Variants in SIPA1L1 observed in about 807,000 individuals in gnomAD.
The protein encoded by SIPA1L1 is signal induced proliferation associated 1 like 1.
In SIPA1L1, 26 loss-of-function variants were observed where a neutral mutation model predicts 162.7. The ratio of observed to expected loss-of-function variants is 0.16; its 90% CI spans 0.12 to 0.22. The LOEUF is 0.22. Among genes scored for constraint, SIPA1L1 ranks in the 10% least tolerant of loss-of-function variants. SIPA1L1 has a pLI of 1.00. For synonymous variants in SIPA1L1, 829 were observed against 837.4 expected (o/e 0.99, Z 0.17); for missense variants, 1,874 against 2,241.0 (o/e 0.84, Z 3.31).
At chr14:71,559,065 CT>C (rs113879891) in intron 4 of SIPA1L1, among the ~76,000 whole-genome samples, 1,459 of 141,222 alleles carry the variant, frequency 0.01, 22 homozygotes, top group African/African-American at 0.031. Context: ...TTCAGCTTTA[CT>C]TTTTTTTTTT....
rs888062928 is a variant in SIPA1L1 at position 71,538,897 on chromosome 14, TTTTG to T, written c.-303+9539_-303+9542del. 7.9e-5 allele frequency among the ~76,000 whole-genome samples: 12 copies of T among 152,180 alleles called. No homozygotes were observed. The South Asian group carries it at 8.3e-4, about 10-fold the overall frequency. ...GTTACAGTCTGTTCTTCAGACTGTT[TTTTG>T]TTTGTTTGTTTTGATGGTGTTTATT... On this transcript the variant is annotated intron_variant, in intron 4 of 23. Coordinates refer to ENST00000381232, the MANE Select transcript of SIPA1L1 (RefSeq NM_001386936.1).
chr14:71,438,229 A>C (rs2044555708), intron 2 of SIPA1L1, among the ~76,000 whole-genome samples: 1 of 152,094 alleles, frequency 6.6e-6, no homozygotes. Flanking sequence ...TTTTTCTCTC[A>C]AACTTCTTTA....
At chr14:71,381,890 A>T in intron 2 of SIPA1L1, among the ~76,000 whole-genome samples, 1 of 152,204 alleles carries the variant, frequency 6.6e-6, no homozygotes, top group East Asian at 1.9e-4. Flanking sequence ...TTGTGATATT[A>T]TGAAAATAAC....
At chr14:71,627,395 C>T (rs945557976) in intron 7 of SIPA1L1, among the ~76,000 whole-genome samples, 2 of 151,954 alleles carry the variant, frequency 1.3e-5, no homozygotes, top group African/African-American at 2.4e-5. Flanking sequence ...GATCCACCCT[C>T]CTTGGCCTCC....
At chr14:71,697,584 C>A (rs538896954) in intron 13 of SIPA1L1, among the ~76,000 whole-genome samples, 29 of 152,134 alleles carry the variant, frequency 1.9e-4, no homozygotes, top group Non-Finnish European at 4.1e-4. Context: ...TTGAAAAGGT[C>A]TGATTTGGAT....
At chr14:71,488,673 CTCTT>C (rs1367741838) in intron 2 of SIPA1L1, among the ~76,000 whole-genome samples, 1 of 152,110 alleles carries the variant, frequency 6.6e-6, no homozygotes, top group Non-Finnish European at 1.5e-5. Context: ...CAAAAGAAAA[CTCTT>C]TCTTCCTTGT....
At chr14:71,591,908 G>A (rs1041959170) in intron 5 of SIPA1L1, among the ~76,000 whole-genome samples, 1 of 152,076 alleles carries the variant, frequency 6.6e-6, no homozygotes, top group Non-Finnish European at 1.5e-5. Flanking sequence ...TATTAAGTTT[G>A]TATAAAGCCT....
Position 71,588,361 on chromosome 14 carries a change from C to G in SIPA1L1, c.489C>G (p.Pro163=), listed in dbSNP as rs147514658. Residue 163 remains proline (P), a synonymous_variant, in exon 5 of 24, where the codon CCC becomes CCG. Coordinates refer to ENST00000381232, the MANE Select transcript of SIPA1L1 (RefSeq NM_001386936.1). This position sits in a 1 kb window ranked among gnomAD's most constrained non-coding sequence, Gnocchi z 4.3. The part of the protein sequence containing the change: ...FLMPEAYPSS[P]RKALRRIRQR... ...TGCCTGAAGCCTACCCCAGCTCCCC[C>G]AGAAAAGCTCTTCGCAGAATACGCC... is the stretch of plus-strand genomic sequence containing the variant. 1,349 of 1,613,856 alleles carry G rather than the reference C, an allele frequency of 8.4e-4. 10 individuals are homozygous for G. Among genetic ancestry groups the G allele is most frequent in the Non-Finnish European group, 3.6e-4 (421 of 1,179,974 alleles).
At chr14:71,450,056 TA>T (rs1314469149) in intron 2 of SIPA1L1, among the ~76,000 whole-genome samples, 16 of 152,142 alleles carry the variant, frequency 1.1e-4, no homozygotes, top group Non-Finnish European at 2.4e-4. Context: ...AAATAAAACT[TA>T]AAAAATAAAA....
chr14:71,658,225 A>ATCCTAAATCATTTTCTTTTCT, intron 8 of SIPA1L1, 108 bp from the exon 9 acceptor site: 1 of 652,038 alleles, frequency 1.5e-6, no homozygotes, highest in Non-Finnish European at 2.6e-6. Context: ...GAATCTTTTC[A>ATCCTAAATCATTTTCTTTTCT]TCCTAAATCA....
intron 6 of SIPA1L1, among the ~76,000 whole-genome samples, chr14:71,619,468 A>G (rs1224736388): frequency 6.6e-6 from 1 of 152,084 alleles, no homozygotes; most frequent in African/African-American, 2.4e-5. Flanking sequence ...AATATACACA[A>G]TGTATGAGTT....
chr14:71,731,584 G>A (rs2084788016), intron 20 of SIPA1L1, among the ~76,000 whole-genome samples: 1 of 152,090 alleles, frequency 6.6e-6, no homozygotes, highest in Admixed American at 6.5e-5. Context: ...TTATTTCTCT[G>A]TACTTTTAAT....
chr14:71,590,021 T>TAAAAA (rs200463823), intron 5 of SIPA1L1, among the ~76,000 whole-genome samples: 1 of 85,102 alleles, frequency 1.2e-5, no homozygotes, highest in Non-Finnish European at 2.3e-5. Context: ...AGTGGGAGAG[T>TAAAAA]AAAAAAAAAA....
chr14:71,331,693 G>C (rs1428606755), intron 2 of SIPA1L1, among the ~76,000 whole-genome samples: 2 of 152,150 alleles, frequency 1.3e-5, no homozygotes, highest in Admixed American at 6.5e-5. Flanking sequence ...ACTGTCACTT[G>C]TGGTAATTTT....
At chr14:71,695,517 T>C (rs2149725479) in intron 13 of SIPA1L1, among the ~76,000 whole-genome samples, 1 of 152,354 alleles carries the variant, frequency 6.6e-6, no homozygotes, top group South Asian at 2.1e-4. Flanking sequence ...AAAAGCAGCC[T>C]CTAAATACAA....
chr14:71,449,757 GTTA>G (rs1383016288), intron 2 of SIPA1L1, among the ~76,000 whole-genome samples: 1 of 152,192 alleles, frequency 6.6e-6, no homozygotes, highest in Non-Finnish European at 1.5e-5. Context: ...ATTTATTAAT[GTTA>G]TTATGAATTC....
rs749762616 is a variant in SIPA1L1 at position 71,738,196 on chromosome 14, C to T, written c.5124-45C>T. On this transcript the variant is annotated intron_variant, in intron 22 of 23. Coordinates refer to ENST00000381232, the MANE Select transcript of SIPA1L1 (RefSeq NM_001386936.1). Reference sequence around the variant, plus strand: ...AAAAAAAAAAAAAAAACAAACCCAGCCATGGAGGCCCCTGCCAACATGGTC... The same window carrying T: ...AAAAAAAAAAAAAAAACAAACCCAGTCATGGAGGCCCCTGCCAACATGGTC... 479 of 1,034,234 alleles carry T rather than the reference C, an allele frequency of 4.6e-4. 3 individuals carry two copies. Among genetic ancestry groups the T allele is most frequent in the Non-Finnish European group, 6.2e-5 (43 of 698,022 alleles). 64.1% of individuals were successfully genotyped at this position (1,034,234 alleles called of 1,614,324 possible).
chr14:71,657,026 A>G (rs564967661), intron 8 of SIPA1L1, among the ~76,000 whole-genome samples: 19 of 152,312 alleles, frequency 1.2e-4, no homozygotes, highest in African/African-American at 4.6e-4. Context: ...ATCGTTCTCT[A>G]AAATGCCATC....
At chr14:71,542,917 G>A (rs1312478402) in intron 4 of SIPA1L1, among the ~76,000 whole-genome samples, 1 of 151,684 alleles carries the variant, frequency 6.6e-6, no homozygotes, top group Non-Finnish European at 1.5e-5. Context: ...TCTTAACTTT[G>A]TATGTTTCTC....
Sources: allele counts gnomAD v4.1 joint callset (sites outside exome capture counted in the v4.1 genomes callset), GRCh38; gene constraint gnomAD v4.1.1; non-coding constraint Gnocchi (gnomAD v3.1); transcripts MANE v1.5; gene names NCBI Gene and HGNC (gene_info 2026-07-23, HGNC 2026-07-21).